Variants in FBXL5 observed in about 807,000 individuals in gnomAD.
FBXL5 encodes F-box and leucine rich repeat protein 5.
In FBXL5, 26 loss-of-function variants were observed where a neutral mutation model predicts 78.3. That is an observed-to-expected ratio of 0.33 (90% CI 0.24 to 0.46). The LOEUF is 0.46. Ranked by LOEUF, FBXL5 falls within the 20% of genes least tolerant of loss-of-function variation. FBXL5 has a pLI of 1.00. For missense variants in FBXL5, 710 were observed against 829.2 expected (o/e 0.86, Z 1.77); for synonymous variants, 295 against 282.5 (o/e 1.04, Z -0.45).
upstream of FBXL5, among the ~76,000 whole-genome samples, chr4:15,660,081 CA>C (rs1322064654): frequency 1.3e-5 from 2 of 150,800 alleles, no homozygotes; most frequent in African/African-American, 4.9e-5. Flanking sequence ...CTACCCCTGA[CA>C]TTTTTTTTTT....
intron 4 of FBXL5, among the ~76,000 whole-genome samples, chr4:15,637,204 C>T (rs143099065): frequency 6.6e-6 from 1 of 152,276 alleles, no homozygotes; most frequent in Non-Finnish European, 1.5e-5. Flanking sequence ...CTGCCTTAAC[C>T]TAGAGATGCT....
chr4:15,670,197 AT>A (rs1158651185), intron 1 of FBXL5, among the ~76,000 whole-genome samples: 3 of 152,194 alleles, frequency 2.0e-5, no homozygotes, highest in South Asian at 2.1e-4. Context: ...TTGTTTCTAA[AT>A]TTTGGTCATT....
At chr4:15,648,851 T>G (rs116817581) in intron 1 of FBXL5, among the ~76,000 whole-genome samples, 38 of 152,266 alleles carry the variant, frequency 2.5e-4, no homozygotes, top group Non-Finnish European at 4.9e-4. Flanking sequence ...TGAGAGTACA[T>G]CCTCTGTGTC....
At chr4:15,633,033 T>C (rs1256501405) in intron 5 of FBXL5, among the ~76,000 whole-genome samples, 1 of 152,222 alleles carries the variant, frequency 6.6e-6, no homozygotes, top group Non-Finnish European at 1.5e-5. Context: ...TGGGCAATTT[T>C]TTAGAAATAT....
chr4:15,640,141 A>G (rs1186096782), intron 3 of FBXL5, among the ~76,000 whole-genome samples: 1 of 152,182 alleles, frequency 6.6e-6, no homozygotes, highest in Non-Finnish European at 1.5e-5. Flanking sequence ...CTTGGGCTCA[A>G]GCAATCCTCT....
At chr4:15,635,217 C>T (rs1283834654) in intron 5 of FBXL5, among the ~76,000 whole-genome samples, 1 of 151,478 alleles carries the variant, frequency 6.6e-6, no homozygotes, top group Non-Finnish European at 1.5e-5. Flanking sequence ...CCTGTAATCG[C>T]AGCTACTTGG....
At chr4:15,652,362 C>T (rs1201519355) in intron 1 of FBXL5, among the ~76,000 whole-genome samples, 4 of 152,176 alleles carry the variant, frequency 2.6e-5, no homozygotes, top group Non-Finnish European at 5.9e-5. Flanking sequence ...CCACTAGCTG[C>T]TTATGTAACC....
chr4:15,649,594 A>G (rs112188020), intron 1 of FBXL5, among the ~76,000 whole-genome samples: 1,942 of 150,624 alleles, frequency 0.013, 43 homozygotes, highest in African/African-American at 0.043. Flanking sequence ...AAAAAAAAAA[A>G]AAAGAAAGAA....
intron 9 of FBXL5, among the ~76,000 whole-genome samples, chr4:15,616,038 G>T (rs1272899315): frequency 1.3e-5 from 2 of 151,216 alleles, no homozygotes; most frequent in African/African-American, 4.9e-5. Context: ...AGGCCACCGG[G>T]AGGAATGAAC....
At chr4:15,626,109 T>C in intron 8 of FBXL5, 132 bp from the exon 9 acceptor site, 1 of 852,840 alleles carries the variant, frequency 1.2e-6, no homozygotes, top group South Asian at 2.0e-5. Flanking sequence ...TAGTGAATTA[T>C]CTATTGTTAA....
intron 1 of FBXL5, among the ~76,000 whole-genome samples, chr4:15,648,852 CCT>C (rs1715638283): frequency 6.6e-6 from 1 of 152,090 alleles, no homozygotes; most frequent in African/African-American, 2.4e-5. Flanking sequence ...GAGAGTACAT[CCT>C]CTGTGTCTTT....
At chr4:15,639,357 C>G (rs1307608662) in intron 3 of FBXL5, among the ~76,000 whole-genome samples, 1 of 152,198 alleles carries the variant, frequency 6.6e-6, no homozygotes, top group East Asian at 1.9e-4. Context: ...TCCACCCAAA[C>G]AGGGCCTCTG....
intron 9 of FBXL5, among the ~76,000 whole-genome samples, chr4:15,625,004 C>T (rs573828834): frequency 3.9e-5 from 6 of 152,300 alleles, no homozygotes; most frequent in African/African-American, 9.6e-5. Context: ...TAGCCATTTA[C>T]TAAGTATTTA....
At chr4:15,671,772 A>T (rs4631041) in intron 1 of FBXL5, among the ~76,000 whole-genome samples, 94,337 of 151,988 alleles carry the variant, frequency 0.62, 29,531 homozygotes, top group Non-Finnish European at 0.66. Context: ...GACTTTGATT[A>T]GTTTCTATTG....
chr4:15,645,340 T>C (rs925304922), intron 1 of FBXL5, among the ~76,000 whole-genome samples: 2 of 152,328 alleles, frequency 1.3e-5, no homozygotes, highest in South Asian at 2.1e-4. Flanking sequence ...TTAAGAGTCA[T>C]AGTGAACCAG....
intron 1 of FBXL5, among the ~76,000 whole-genome samples, chr4:15,647,275 C>CAAT (rs1015836081): frequency 1.6e-5 from 2 of 126,734 alleles, no homozygotes; most frequent in African/African-American, 5.9e-5. Context: ...TAAAAATAAA[C>CAAT]AACAACAACA....
Position 15,655,244 on chromosome 4 carries a change from T to C in FBXL5, c.44A>G (p.His15Arg). ...PEEVDVFTAP[H>R]WRMKQLVGLY... is the part of the protein sequence containing the mutation. ...CCCCACCAGCTGCTTCATCCGCCAG[T>C]GTGGGGCGGTGAAGACGTCCACTTC... The change falls in exon 1 of 11, where the codon CAC becomes CGC. Residue 15 changes from histidine to arginine, a missense_variant. Physicochemically the swap from His to Arg is conservative, Grantham distance 29 (BLOSUM62 0). Coordinates refer to ENST00000341285, the MANE Select transcript of FBXL5 (RefSeq NM_012161.4). 1 of 1,442,006 alleles carries C rather than the reference T, an allele frequency of 6.9e-7. No homozygotes were observed. The highest frequency in any genetic ancestry group is 9.3e-7 in the Non-Finnish European group (1 of 1,078,278). 89.3% of individuals were successfully genotyped at this position (1,442,006 alleles called of 1,614,324 possible). A position where few individuals can be genotyped will look rare whatever the true frequency, so the allele number is the denominator to read the frequency against.
chr4:15,653,418 CT>C (rs1716381443), intron 1 of FBXL5, among the ~76,000 whole-genome samples: 1 of 152,132 alleles, frequency 6.6e-6, no homozygotes, highest in Non-Finnish European at 1.5e-5. Flanking sequence ...TAAAATAAGG[CT>C]GCTTAGCCTT....
chr4:15,670,114 T>C (rs1041824743), intron 1 of FBXL5, among the ~76,000 whole-genome samples: 37 of 152,238 alleles, frequency 2.4e-4, no homozygotes, highest in African/African-American at 8.9e-4. Flanking sequence ...CAGTTCATTC[T>C]TTTTCACTGC....
Sources: allele counts gnomAD v4.1 joint callset (sites outside exome capture counted in the v4.1 genomes callset), GRCh38; gene constraint gnomAD v4.1.1; transcripts MANE v1.5; gene names NCBI Gene and HGNC (gene_info 2026-07-23, HGNC 2026-07-21).